Variants in SLC1A7 observed in about 807,000 individuals in gnomAD.
SLC1A7 encodes excitatory amino acid transporter 5.
In SLC1A7, 40 loss-of-function variants were observed where a neutral mutation model predicts 47.7. The ratio of observed to expected loss-of-function variants is 0.84; its 90% CI spans 0.65 to 1.09. The LOEUF is 1.09. Among genes scored for constraint, SLC1A7 ranks in the 50% least tolerant of loss-of-function variants. The pLI is 0.00. For synonymous variants in SLC1A7, 323 were observed against 325.6 expected (o/e 0.99, Z 0.09); for missense variants, 746 against 769.5 (o/e 0.97, Z 0.36).
chr1:53,137,846 C>T (rs1645017201), intron 1 of SLC1A7, among the ~76,000 whole-genome samples: 1 of 152,240 alleles, frequency 6.6e-6, no homozygotes, highest in African/African-American at 2.4e-5. Flanking sequence ...TGACTGCTCT[C>T]TAGGCCCAGT....
At chr1:53,089,649 G>C in intron 9 of SLC1A7, 151 bp downstream of exon 9, 3 of 766,992 alleles carry the variant, frequency 3.9e-6, no homozygotes, top group Non-Finnish European at 6.4e-6. Flanking sequence ...AGCCAGGCCT[G>C]TGCTAATGAG....
intron 1 of SLC1A7, 123 bp from the exon 2 acceptor site, chr1:53,134,552 C>A: frequency 3.5e-6 from 2 of 565,660 alleles, no homozygotes; most frequent in South Asian, 2.8e-5. Flanking sequence ...GCAGCAGAGA[C>A]CATGGAGAAA....
Position 53,103,461 on chromosome 1 carries a change from A to G in SLC1A7, c.582T>C (p.His194=), listed in dbSNP as rs1171711186. 2 of 1,613,006 alleles carry G rather than the reference A, an allele frequency of 1.2e-6. No homozygotes were observed. The highest frequency in any genetic ancestry group is 2.2e-5 in the East Asian group (1 of 44,842). ...TCAGGTCCAGGGCGAAGTTCTGCACATGGGAGCCATTCTCCTCCTGGACCC... is the reference window on the plus strand; with the variant it reads ...TCAGGTCCAGGGCGAAGTTCTGCACGTGGGAGCCATTCTCCTCCTGGACCC... ...IYGVQEENGS[H]VQNFALDLTP... is the part of the protein sequence containing the mutation. Residue 194 remains histidine, a synonymous_variant, in exon 5 of 11, where the codon CAT becomes CAC. Coordinates refer to ENST00000371494, the MANE Select transcript of SLC1A7 (RefSeq NM_006671.6).
In SLC1A7 at chr1:53,134,383, A is replaced by G; in HGVS notation, c.182T>C (p.Leu61Pro). 6.2e-7 allele frequency: 1 copy of G among 1,613,570 alleles called. No homozygotes were observed. The highest frequency in any genetic ancestry group is 8.5e-7 in the Non-Finnish European group (1 of 1,179,744). The stretch of plus-strand genomic sequence containing the variant: ...CACCAGTGGCAGGATCATCATCTTC[A>G]GCATCCTCATCAGGAGCTCTCCAGG... The part of the protein sequence containing the change: ...QFPGELLMRM[L>P]KMMILPLVVS... Residue 61 changes from leucine (L) to proline (P), a missense_variant, in exon 2 of 11, where the codon CTG becomes CCG. Leu to Pro is a moderately conservative substitution (Grantham distance 98). Transcript: ENST00000371494.
At position 53,089,896 on chromosome 1, in the gene SLC1A7, A is replaced by T. The variant is rs1308260430; in HGVS notation, c.1265T>A (p.Ile422Asn). The T allele has an allele frequency of 6.2e-7, 1 of 1,613,562 alleles. No individual in the cohort carries two copies. The highest frequency in any genetic ancestry group is 1.1e-5 in the South Asian group (1 of 91,050). ...CATGGTGACGAGGCCGGCCTGGGGG[A>T]TGCCAGCTGCCCCAATGCTGGCTGC... The part of the protein sequence containing the change: ...ATAASIGAAG[I>N]PQAGLVTMVI... The change falls in exon 9 of 11, where the codon ATC becomes AAC. Residue 422 changes from isoleucine (I) to asparagine (N), a missense_variant. Transcript: ENST00000371494.
In SLC1A7 at chr1:53,105,122, T is replaced by C. The variant is rs529141805; in HGVS notation, c.474+610A>G. ...CTATGATTATAATATTATTTAAAAA[T>C]AAGCAGAAGAAAAAAGACCAGAAAT... On this transcript the variant is annotated intron_variant, in intron 4 of 10. Transcript: ENST00000371494. Among the ~76,000 whole-genome samples the C allele has an allele frequency of 2.0e-5, 3 of 152,280 alleles. No individual in the cohort carries two copies. In the South Asian group the frequency reaches 6.2e-4, roughly 32 times the overall value.
rs574930272 is a variant in SLC1A7, at chr1:53,090,934, C to T, written c.1032-128G>A. 2.2e-5 allele frequency: 34 copies of T among 1,536,958 alleles called. No homozygotes were observed. The East Asian group carries it at 2.7e-4, about 12-fold the overall frequency. On this transcript the variant is annotated intron_variant, in intron 7 of 10. Coordinates refer to ENST00000371494, the MANE Select transcript of SLC1A7 (RefSeq NM_006671.6). ...TGTTTGTGCCTCTGCAGCGCTGCTC[C>T]GGCAGGAGGTAAGGACCGCGGGCAC...
intron 2 of SLC1A7, among the ~76,000 whole-genome samples, chr1:53,121,778 G>C (rs528833639): frequency 5.7e-4 from 87 of 152,316 alleles, no homozygotes; most frequent in African/African-American, 1.9e-3. Flanking sequence ...CTGCACACGT[G>C]GGGAGGGGAC....
intron 3 of SLC1A7, among the ~76,000 whole-genome samples, chr1:53,112,230 A>G (rs1195296642): frequency 6.6e-6 from 1 of 152,202 alleles, no homozygotes; most frequent in Non-Finnish European, 1.5e-5. Context: ...TGCCTGGGCT[A>G]GCTCTCTCCT....
intron 2 of SLC1A7, among the ~76,000 whole-genome samples, chr1:53,121,290 G>A (rs146472202): frequency 6.6e-6 from 1 of 152,298 alleles, no homozygotes; most frequent in Non-Finnish European, 1.5e-5. Flanking sequence ...GTGTGCCCAG[G>A]TGACTGAGCA....
intron 2 of SLC1A7, among the ~76,000 whole-genome samples, chr1:53,124,685 G>T (rs1182824619): frequency 6.6e-6 from 1 of 152,016 alleles, no homozygotes; most frequent in African/African-American, 2.4e-5. Flanking sequence ...CACCTGCCGG[G>T]ACCTGCTTTG....
chr1:53,136,164 T>C (rs1434103817), intron 1 of SLC1A7, among the ~76,000 whole-genome samples: 3 of 140,102 alleles, frequency 2.1e-5, no homozygotes, highest in Non-Finnish European at 3.1e-5. Flanking sequence ...TATATATATA[T>C]ATAAAATAAT....
rs554130381 is a variant in SLC1A7, at chr1:53,090,859, G to A, written c.1032-53C>T. 113 of 1,561,206 alleles carry A rather than the reference G, an allele frequency of 7.2e-5. No homozygotes were observed. In the African/African-American group the frequency reaches 1.0e-3, roughly 14 times the overall value. On this transcript the variant is annotated intron_variant, in intron 7 of 10. Coordinates refer to ENST00000371494, the MANE Select transcript of SLC1A7 (RefSeq NM_006671.6). ...CAGCACCCTCCTCCAGGATGGCTGG[G>A]GCCTCTGTCGGGAAGCTCACCCCTC...
chr1:53,106,012 G>A lies in SLC1A7; in HGVS notation c.432-238C>T, dbSNP rs78482578. Among the ~76,000 whole-genome samples, 1,380 of 152,088 alleles carry A rather than the reference G, an allele frequency of 9.1e-3. 14 individuals carry two copies. Among genetic ancestry groups the A allele is most frequent in the African/African-American group, 0.032 (1,329 of 41,470 alleles). On this transcript the variant is annotated intron_variant, in intron 3 of 10. Coordinates refer to ENST00000371494, the MANE Select transcript of SLC1A7 (RefSeq NM_006671.6). ...TTTGTCTACACTGTTCCCTCTGCCC[G>A]GAATGCCCTGCCTGCCTCTTGGTCT... is the stretch of plus-strand genomic sequence containing the variant.
chr1:53,137,274 G>A (rs1282615307), intron 1 of SLC1A7, among the ~76,000 whole-genome samples: 3 of 77,132 alleles, frequency 3.9e-5, no homozygotes, highest in African/African-American at 1.7e-4. Flanking sequence ...GCAACAGAGG[G>A]AGACGCTATC....
chr1:53,090,042 T>A, intron 8 of SLC1A7, 108 bp from the exon 9 acceptor site: 1 of 1,214,028 alleles, frequency 8.2e-7, no homozygotes, highest in South Asian at 1.3e-5. Flanking sequence ...GACAGCCATT[T>A]GGTGCGGGGG....
intron 3 of SLC1A7, chr1:53,108,370 C>T: frequency 1.7e-6 from 1 of 586,768 alleles, no homozygotes; most frequent in Non-Finnish European, 3.1e-6. Context: ...ACTTCCTTTA[C>T]AATTACAATC....
rs780786599 is a variant in SLC1A7, at chr1:53,103,424, CG to C, written c.618del (p.Glu207ArgfsTer14). On this transcript the variant is annotated frameshift_variant, in exon 5 of 11. Coordinates refer to ENST00000371494, the MANE Select transcript of SLC1A7 (RefSeq NM_006671.6). LOFTEE classifies it high-confidence loss of function. Reference sequence around the variant, plus strand: ...CCCGGCTCTGACTTGTAAACGACCTCGGGCGGCGGGGTCAGGTCCAGGGCGA... The same window carrying C: ...CCCGGCTCTGACTTGTAAACGACCTCGGCGGCGGGGTCAGGTCCAGGGCGA... ...QNFALDLTPP[P>X]EVVYKSEPGT... 1.2e-6 allele frequency: 2 copies of C among 1,611,692 alleles called. No individual in the cohort carries two copies. Among genetic ancestry groups the C allele is most frequent in the African/African-American group, 2.7e-5 (2 of 74,872 alleles).
rs1276991287 is a variant in SLC1A7 at position 53,094,300 on chromosome 1, C to T, written c.698-740G>A. Among the ~76,000 whole-genome samples, 3 of 152,178 alleles carry T rather than the reference C, an allele frequency of 2.0e-5. No individual in the cohort carries two copies. In the East Asian group the frequency reaches 5.8e-4, roughly 29 times the overall value. ...TGGCGCCTCCCCCGGCATTCTAGGC[C>T]TTCCTCCCCAGCTCGCACACACCAG... On this transcript the variant is annotated intron_variant, in intron 5 of 10. Coordinates refer to ENST00000371494, the MANE Select transcript of SLC1A7 (RefSeq NM_006671.6).
Sources: allele counts gnomAD v4.1 joint callset (sites outside exome capture counted in the v4.1 genomes callset), GRCh38; gene constraint gnomAD v4.1.1; transcripts MANE v1.5; gene names NCBI Gene and HGNC (gene_info 2026-07-23, HGNC 2026-07-21).